Variants in CNTNAP4 observed in about 807,000 individuals in gnomAD.
The protein encoded by CNTNAP4 is contactin associated protein family member 4, also known as contactin-associated protein-like 4.
In CNTNAP4, 98 loss-of-function variants were observed where a neutral mutation model predicts 148.4. That is an observed-to-expected ratio of 0.66 (90% CI 0.56 to 0.78). The LOEUF is 0.78. CNTNAP4 is among the 30% of genes least tolerant of loss of function. The pLI is 0.00. For missense variants in CNTNAP4, 1,935 were observed against 1,565.6 expected, an observed-to-expected ratio of 1.24 and a Z score of -3.98; for synonymous variants, 730 against 565.1, an observed-to-expected ratio of 1.29 and a Z score of -4.14.
intron 17 of CNTNAP4, among the ~76,000 whole-genome samples, chr16:76,522,645 CT>C (rs915972066): frequency 9.3e-5 from 13 of 139,806 alleles, no homozygotes; most frequent in Admixed American, 1.5e-4. Context: ...TTCTTTCTTT[CT>C]TTTCTCTCTT....
intron 3 of CNTNAP4, among the ~76,000 whole-genome samples, chr16:76,420,695 A>G (rs2079158996): frequency 6.6e-6 from 1 of 151,902 alleles, no homozygotes. Flanking sequence ...AACAACAACA[A>G]CAACGAAACT....
chr16:76,328,228 T>G (rs941324378), intron 2 of CNTNAP4, among the ~76,000 whole-genome samples: 14 of 152,204 alleles, frequency 9.2e-5, no homozygotes, highest in African/African-American at 2.9e-4. Flanking sequence ...TAATCAGTGA[T>G]AAATTATATT....
At chr16:76,408,248 T>G (rs1355455090) in intron 3 of CNTNAP4, among the ~76,000 whole-genome samples, 1 of 139,592 alleles carries the variant, frequency 7.2e-6, no homozygotes, top group African/African-American at 2.4e-5. Flanking sequence ...ACAGTACCTC[T>G]GAAGTGTCTG....
In CNTNAP4 at chr16:76,553,915, G is replaced by A; in HGVS notation, c.3733+8G>A. On this transcript the variant is annotated splice_region_variant and intron_variant, in intron 23 of 23. Coordinates refer to ENST00000611870, the MANE Select transcript of CNTNAP4 (RefSeq NM_033401.5). The stretch of plus-strand genomic sequence containing the variant: ...ACTCTGCAGTAATTGGAGGTAATAA[G>A]AAGCATGAATGAGCTCTTCTTTGGT... 3 of 1,555,486 alleles carry A rather than the reference G, an allele frequency of 1.9e-6. No individual in the cohort carries two copies. The highest frequency in any genetic ancestry group is 1.8e-6 in the Non-Finnish European group (2 of 1,127,626).
intron 2 of CNTNAP4, among the ~76,000 whole-genome samples, chr16:76,340,747 C>T (rs1365467607): frequency 6.6e-6 from 1 of 152,184 alleles, no homozygotes. Context: ...GCTAGTAGAA[C>T]ATTATATTTA....
intron 10 of CNTNAP4, among the ~76,000 whole-genome samples, chr16:76,470,314 T>C (rs1190007590): frequency 6.6e-6 from 1 of 151,608 alleles, no homozygotes; most frequent in African/African-American, 2.4e-5. Context: ...AAATGTATCA[T>C]TTGATGGTTC....
In CNTNAP4 at chr16:76,522,178, G is replaced by C. The variant is rs2144109995; in HGVS notation, c.2676G>C (p.Val892=). Residue 892 remains valine (V), a synonymous_variant, in exon 17 of 24, where the codon GTG becomes GTC. Coordinates refer to ENST00000611870, the MANE Select transcript of CNTNAP4 (RefSeq NM_033401.5). ...ERNMKEASLQ[V]DQLTPKTQPA... The stretch of plus-strand genomic sequence containing the variant: ...ACATGAAGGAGGCCTCCCTTCAAGT[G>C]GATCAGCTGACACCAAAGACACAGC... The C allele has an allele frequency of 6.2e-7, 1 of 1,613,972 alleles. No individual in the cohort carries two copies. The highest frequency in any genetic ancestry group is 2.2e-5 in the East Asian group (1 of 44,880).
Position 76,486,131 on chromosome 16 carries a change from G to A in CNTNAP4, c.1883-3555G>A, listed in dbSNP as rs148187437. ...TATTGAAATCTCTTCAGGGGGAGAC[G>A]TGAGTAGACCCAAACTACCATTCAA... On this transcript the variant is annotated intron_variant, in intron 12 of 23. Coordinates refer to ENST00000611870, the MANE Select transcript of CNTNAP4 (RefSeq NM_033401.5). Among the ~76,000 whole-genome samples the A allele has an allele frequency of 2.0e-4, 31 of 152,282 alleles. No individual in the cohort carries two copies. The East Asian group carries it at 3.7e-3, about 18-fold the overall frequency.
chr16:76,513,490 T>G (rs773954302), intron 15 of CNTNAP4, among the ~76,000 whole-genome samples: 2 of 152,184 alleles, frequency 1.3e-5, no homozygotes, highest in African/African-American at 2.4e-5. Flanking sequence ...ACATAAGGAT[T>G]TGTAACTAAG....
rs575003169 is a variant in CNTNAP4, at chr16:76,416,608, T to C, written c.391-10844T>C. ...TCCTTTATGACCTGAGAGCATACAT[T>C]GTATGATTTCTATTTTTATAAATTT... On this transcript the variant is annotated intron_variant, in intron 3 of 23. Transcript: ENST00000611870. Among the ~76,000 whole-genome samples the C allele has an allele frequency of 1.4e-4, 21 of 151,628 alleles. No individual in the cohort carries two copies. The South Asian group carries it at 1.7e-3, about 12-fold the overall frequency.
At chr16:76,434,835 A>G (rs537037115) in intron 4 of CNTNAP4, among the ~76,000 whole-genome samples, 1 of 152,232 alleles carries the variant, frequency 6.6e-6, no homozygotes, top group African/African-American at 2.4e-5. Context: ...TGACCACAGG[A>G]TGAGTCTGGG....
chr16:76,388,261 T>C (rs1454574575), intron 3 of CNTNAP4, among the ~76,000 whole-genome samples: 9 of 152,234 alleles, frequency 5.9e-5, no homozygotes, highest in African/African-American at 1.2e-4. Flanking sequence ...GGCAGCAGCA[T>C]CGTGGAGTGC....
chr16:76,353,827 A>G (rs78498442), intron 2 of CNTNAP4, among the ~76,000 whole-genome samples: 2,146 of 152,244 alleles, frequency 0.014, 52 homozygotes, highest in African/African-American at 0.047. Flanking sequence ...TCCACCATCA[A>G]AATAATCTTG....
chr16:76,471,662 T>G (rs1207827911), intron 10 of CNTNAP4, among the ~76,000 whole-genome samples: 2 of 152,124 alleles, frequency 1.3e-5, no homozygotes, highest in Non-Finnish European at 2.9e-5. Flanking sequence ...CTCTTCTCCA[T>G]GGAGCCCCAA....
intron 1 of CNTNAP4, among the ~76,000 whole-genome samples, chr16:76,285,121 A>G (rs1958828845): frequency 6.6e-6 from 1 of 152,014 alleles, no homozygotes; most frequent in Admixed American, 6.6e-5. Flanking sequence ...TGCCCATGGA[A>G]CATTGGTATT....
At chr16:76,434,337 C>G (rs548047301) in intron 4 of CNTNAP4, among the ~76,000 whole-genome samples, 1 of 152,074 alleles carries the variant, frequency 6.6e-6, no homozygotes, top group Non-Finnish European at 1.5e-5. Context: ...GCTGGCATTG[C>G]CAGCTGAAAG....
intron 2 of CNTNAP4, among the ~76,000 whole-genome samples, chr16:76,353,837 G>T (rs1346554): frequency 0.13 from 19,687 of 152,106 alleles, 1,997 homozygotes; most frequent in East Asian, 0.47. Context: ...AAATAATCTT[G>T]AAGTCTTATA....
At chr16:76,526,875 T>C (rs1255724280) in intron 17 of CNTNAP4, among the ~76,000 whole-genome samples, 1 of 151,954 alleles carries the variant, frequency 6.6e-6, no homozygotes, top group African/African-American at 2.4e-5. Flanking sequence ...GGTTTTGATA[T>C]GTTGCCTAGG....
chr16:76,513,707 A>C (rs570036869), intron 15 of CNTNAP4, among the ~76,000 whole-genome samples: 1 of 152,316 alleles, frequency 6.6e-6, no homozygotes, highest in East Asian at 1.9e-4. Context: ...TGCTGTAAAG[A>C]CTATAAGTGT....
Sources: allele counts gnomAD v4.1 joint callset (sites outside exome capture counted in the v4.1 genomes callset), GRCh38; gene constraint gnomAD v4.1.1; transcripts MANE v1.5; gene names NCBI Gene and HGNC (gene_info 2026-07-23, HGNC 2026-07-21).